CNTNAP2: variants seen among roughly 807,000 people sequenced by gnomAD.
CNTNAP2 encodes contactin-associated protein-like 2.
CNTNAP2 carries 98 observed loss-of-function variants against 155.2 expected under a neutral mutation model. That is an observed-to-expected ratio of 0.63 (90% CI 0.54 to 0.75). The LOEUF (loss-of-function observed/expected upper bound fraction) is 0.75, where lower values mean the gene tolerates loss of function less well. Among genes scored for constraint, CNTNAP2 ranks in the 30% least tolerant of loss-of-function variants. CNTNAP2 has a pLI of 0.00. For missense variants in CNTNAP2, 1,727 were observed against 1,688.1 expected, an observed-to-expected ratio of 1.02 and a Z score of -0.40; for synonymous variants, 651 against 631.2, an observed-to-expected ratio of 1.03 and a Z score of -0.47.
intron 10 of CNTNAP2, among the ~76,000 whole-genome samples, chr7:147,405,367 C>T (rs1371827150): frequency 6.6e-6 from 1 of 152,158 alleles, no homozygotes; most frequent in Non-Finnish European, 1.5e-5. Context: ...TACTTGAATA[C>T]ATTGCAGTTA....
intron 1 of CNTNAP2, among the ~76,000 whole-genome samples, chr7:146,143,127 T>C (rs1051068573): frequency 6.6e-6 from 1 of 152,210 alleles, no homozygotes; most frequent in African/African-American, 2.4e-5. Flanking sequence ...TCACTCTGTG[T>C]GGCTCTATGT....
At chr7:147,184,253 C>G (rs1192063026) in intron 8 of CNTNAP2, among the ~76,000 whole-genome samples, 1 of 152,132 alleles carries the variant, frequency 6.6e-6, no homozygotes, top group Non-Finnish European at 1.5e-5. Flanking sequence ...AGAAGTGTTT[C>G]TCTGGAGGGA....
At chr7:146,405,854 A>C (rs1181984176) in intron 1 of CNTNAP2, among the ~76,000 whole-genome samples, 3 of 152,260 alleles carry the variant, frequency 2.0e-5, no homozygotes, top group African/African-American at 7.2e-5. Flanking sequence ...GAATGGGGCC[A>C]GTACAATCAG....
At chr7:147,965,882 G>A (rs1563151276) in intron 14 of CNTNAP2, among the ~76,000 whole-genome samples, 1 of 152,090 alleles carries the variant, frequency 6.6e-6, no homozygotes, top group Non-Finnish European at 1.5e-5. Context: ...CTGAGGTGGT[G>A]TGCCTTTTTC....
chr7:148,241,213 G>T (rs1796153781), intron 20 of CNTNAP2, among the ~76,000 whole-genome samples: 1 of 152,010 alleles, frequency 6.6e-6, no homozygotes, highest in South Asian at 2.1e-4. Context: ...TATGTTAAAT[G>T]GAAATACAAA....
intron 10 of CNTNAP2, among the ~76,000 whole-genome samples, chr7:147,469,595 T>C (rs1185430661): frequency 1.4e-5 from 2 of 144,616 alleles, no homozygotes; most frequent in African/African-American, 2.6e-5. Context: ...CTCGGCTCAC[T>C]GCAAGCTCCG....
chr7:147,147,581 C>T (rs1801731913), intron 8 of CNTNAP2, among the ~76,000 whole-genome samples: 1 of 152,136 alleles, frequency 6.6e-6, no homozygotes, highest in Non-Finnish European at 1.5e-5. Context: ...TTCCACGGCT[C>T]AGCATCCTCT....
intron 15 of CNTNAP2, among the ~76,000 whole-genome samples, chr7:148,090,164 A>G (rs1382307845): frequency 6.6e-6 from 1 of 152,082 alleles, no homozygotes; most frequent in Non-Finnish European, 1.5e-5. Context: ...AGAACAAAAC[A>G]TAGGGAAAAT....
chr7:146,641,531 C>G (rs1799708054), intron 1 of CNTNAP2, among the ~76,000 whole-genome samples: 1 of 152,006 alleles, frequency 6.6e-6, no homozygotes, highest in Non-Finnish European at 1.5e-5. Context: ...TTCTTTGCTT[C>G]TAATTTATTT....
At chr7:146,739,554 T>C (rs947672461) in intron 1 of CNTNAP2, among the ~76,000 whole-genome samples, 2 of 152,060 alleles carry the variant, frequency 1.3e-5, no homozygotes, top group South Asian at 4.1e-4. Context: ...TCTGATTTTT[T>C]ATGAATTGTG....
Position 146,309,348 on chromosome 7 carries a change from G to C in CNTNAP2, c.97+192375G>C, listed in dbSNP as rs191311865. Among the ~76,000 whole-genome samples, 5 of 152,166 alleles carry C rather than the reference G, an allele frequency of 3.3e-5. No homozygotes were observed. In the South Asian group the frequency reaches 1.0e-3, roughly 32 times the overall value. On this transcript the variant is annotated intron_variant, in intron 1 of 23. Transcript: ENST00000361727. ...GGTCTCTGTTAGGGGGTATGAGTAC[G>C]CTGAAAATGAAGCACTCTCCAAGCA...
intron 13 of CNTNAP2, among the ~76,000 whole-genome samples, chr7:147,738,971 A>T (rs942945758): frequency 1.3e-5 from 2 of 152,078 alleles, no homozygotes; most frequent in African/African-American, 4.8e-5. Context: ...AAACTTTTAT[A>T]TATACTAGGA....
At chr7:146,356,218 A>G (rs1007791276) in intron 1 of CNTNAP2, among the ~76,000 whole-genome samples, 3 of 152,192 alleles carry the variant, frequency 2.0e-5, no homozygotes, top group East Asian at 3.8e-4. Context: ...AAGTTCTTCA[A>G]TAAGAGATTC....
intron 3 of CNTNAP2, among the ~76,000 whole-genome samples, chr7:146,992,949 C>T (rs1332138745): frequency 6.6e-6 from 1 of 152,124 alleles, no homozygotes; most frequent in Non-Finnish European, 1.5e-5. Context: ...TTATTCTATT[C>T]TCTGCTCACA....
chr7:146,596,609 G>C (rs956616778), intron 1 of CNTNAP2, among the ~76,000 whole-genome samples: 11 of 145,138 alleles, frequency 7.6e-5, no homozygotes, highest in African/African-American at 2.6e-5. Context: ...GAGAGAGAGA[G>C]AGAGAGAGAG....
intron 15 of CNTNAP2, among the ~76,000 whole-genome samples, chr7:147,995,119 T>C (rs767304494): frequency 3.3e-5 from 5 of 152,142 alleles, no homozygotes; most frequent in Non-Finnish European, 7.4e-5. Context: ...AGAGGCTCAC[T>C]AGAGACTCAG....
At chr7:148,265,625 G>C (rs1417426063) in intron 20 of CNTNAP2, among the ~76,000 whole-genome samples, 1 of 152,124 alleles carries the variant, frequency 6.6e-6, no homozygotes, top group Non-Finnish European at 1.5e-5. Context: ...CAAAATGATA[G>C]CCAAGCATGC....
intron 13 of CNTNAP2, among the ~76,000 whole-genome samples, chr7:147,684,790 C>T (rs1795994213): frequency 6.6e-6 from 1 of 151,862 alleles, no homozygotes; most frequent in Admixed American, 6.6e-5. Context: ...TGAGAGTTTA[C>T]CATACTTTTT....
intron 13 of CNTNAP2, among the ~76,000 whole-genome samples, chr7:147,806,016 T>C (rs1045238989): frequency 6.6e-6 from 1 of 152,098 alleles, no homozygotes; most frequent in African/African-American, 2.4e-5. Context: ...TACATCAAGC[T>C]AAAAATCTCC....
Sources: gnomAD v4.1 joint callset for allele counts (sites outside exome capture counted in the v4.1 genomes callset) on GRCh38, gnomAD v4.1.1 for gene constraint, MANE v1.5 for transcripts, NCBI Gene and HGNC (gene_info 2026-07-23, HGNC 2026-07-21) for gene names.